The following KIF24 variants were observed in gnomAD, a reference collection of about 807,000 sequenced individuals.
KIF24 encodes the protein kinesin-like protein KIF24.
Under a neutral mutation model 118.9 loss-of-function variants are expected in KIF24, and 81 were observed. That is an observed-to-expected ratio of 0.68 (90% CI 0.57 to 0.82). The LOEUF is 0.82. Among genes scored for constraint, KIF24 ranks in the 40% least tolerant of loss-of-function variants. The probability of loss-of-function intolerance (pLI) is 0.00; values close to 1 mark genes in which losing one functional copy is unlikely to be tolerated. For synonymous variants in KIF24, 599 were observed against 610.0 expected (o/e 0.98, Z 0.27); for missense variants, 1,560 against 1,661.6 (o/e 0.94, Z 1.06).
intron 2 of KIF24, among the ~76,000 whole-genome samples, chr9:34,309,969 CTTTT>C (rs201063121): frequency 1.6e-5 from 2 of 123,416 alleles, no homozygotes; most frequent in Non-Finnish European, 1.6e-5. Flanking sequence ...ACAAGGAGTA[CTTTT>C]TTTTTTTTTT....
intron 5 of KIF24, among the ~76,000 whole-genome samples, chr9:34,289,809 A>C (rs1269922986): frequency 6.6e-6 from 1 of 152,216 alleles, no homozygotes; most frequent in Non-Finnish European, 1.5e-5. Flanking sequence ...AGAAAGTAGA[A>C]AACATTATTT....
chr9:34,299,584 T>C (rs1836614872), intron 3 of KIF24, among the ~76,000 whole-genome samples: 1 of 151,822 alleles, frequency 6.6e-6, no homozygotes, highest in Non-Finnish European at 1.5e-5. Flanking sequence ...AAAAGTAACA[T>C]GTATTTATAG....
At chr9:34,294,072 A>G (rs141027845) in intron 4 of KIF24, among the ~76,000 whole-genome samples, 32 of 152,190 alleles carry the variant, frequency 2.1e-4, no homozygotes, top group African/African-American at 7.5e-4. Context: ...TCAAGCAACA[A>G]CCTTCCAAGT....
chr9:34,291,732 C>G (rs965687738), intron 4 of KIF24, among the ~76,000 whole-genome samples: 11 of 151,980 alleles, frequency 7.2e-5, no homozygotes, highest in Non-Finnish European at 1.2e-4. Flanking sequence ...AATCTTAGAG[C>G]TGTTGCAGAC....
At position 34,255,783 on chromosome 9, in the gene KIF24, G is replaced by A. The variant is rs1834807516; in HGVS notation, c.3824C>T (p.Ser1275Phe). The A allele has an allele frequency of 6.2e-7, 1 of 1,613,856 alleles. No homozygotes were observed. The highest frequency in any genetic ancestry group is 8.5e-7 in the Non-Finnish European group (1 of 1,179,824). Reference protein sequence around the residue: ...RPSSPLVPSCSPKTAGTLRQP... With the variant: ...RPSSPLVPSCFPKTAGTLRQP... ...ACGGAGTGTCCCTGCAGTCTTGGGAGAGCAGCTGGGAACCAAGGGAGAACT... is the reference window on the plus strand; with the variant it reads ...ACGGAGTGTCCCTGCAGTCTTGGGAAAGCAGCTGGGAACCAAGGGAGAACT... Residue 1275 changes from serine (S) to phenylalanine (F), a missense_variant, in exon 11 of 13, where the codon TCT becomes TTT. Coordinates refer to ENST00000402558, the MANE Select transcript of KIF24 (RefSeq NM_194313.4).
Position 34,254,783 on chromosome 9 carries a change from G to C in KIF24, c.3967-263C>G, listed in dbSNP as rs376280775. On this transcript the variant is annotated intron_variant, in intron 12 of 12. Transcript: ENST00000402558. Reference sequence around the variant, plus strand: ...TGTGGTAGGCAGCAGACTGGTCACTGTTAGTCACAGGGAGGGGCCCCGACA... The same window carrying C: ...TGTGGTAGGCAGCAGACTGGTCACTCTTAGTCACAGGGAGGGGCCCCGACA... Among the ~76,000 whole-genome samples the C allele has an allele frequency of 9.8e-4, 149 of 152,288 alleles. 1 individual carries two copies. In the Middle Eastern group the frequency reaches 0.037, roughly 38 times the overall value.
At chr9:34,263,952 T>C in intron 8 of KIF24, among the ~76,000 whole-genome samples, 1 of 151,996 alleles carries the variant, frequency 6.6e-6, no homozygotes, top group East Asian at 1.9e-4. Context: ...CTCATGGCTG[T>C]ACTCCCTCAG....
chr9:34,252,549 T>C lies in KIF24; in HGVS notation c.*1831A>G, dbSNP rs1056676107. On this transcript the variant is annotated 3_prime_UTR_variant, in exon 13 of 13. Transcript: ENST00000402558. ...TGTCTTGGTGTGATAACTTCTTTATTACCAAGGCTGTTTTATGGGAGTGGG... is the reference window on the plus strand; with the variant it reads ...TGTCTTGGTGTGATAACTTCTTTATCACCAAGGCTGTTTTATGGGAGTGGG... The C allele has an allele frequency of 3.3e-5, 5 of 152,678 alleles. No homozygotes were observed. The highest frequency in any genetic ancestry group is 1.2e-4 in the African/African-American group (5 of 41,460). 9.5% of individuals were successfully genotyped at this position (152,678 alleles called of 1,614,324 possible). A position where few individuals can be genotyped will look rare whatever the true frequency, so the allele number is the denominator to read the frequency against.
intron 1 of KIF24, among the ~76,000 whole-genome samples, chr9:34,311,797 T>C (rs866995764): frequency 4.8e-5 from 7 of 146,944 alleles, no homozygotes; most frequent in Non-Finnish European, 9.0e-5. Context: ...TACACACACA[T>C]ATATATATAC....
intron 6 of KIF24, among the ~76,000 whole-genome samples, chr9:34,279,275 C>T (rs1217602857): frequency 6.6e-6 from 1 of 152,196 alleles, no homozygotes; most frequent in Non-Finnish European, 1.5e-5. Flanking sequence ...CTACATGTTT[C>T]AGGCTCAGAG....
Position 34,286,673 on chromosome 9 carries a change from C to T in KIF24, c.1159G>A (p.Val387Met), listed in dbSNP as rs1361758086. The T allele has an allele frequency of 1.2e-6, 2 of 1,613,442 alleles. No individual in the cohort carries two copies. The highest frequency in any genetic ancestry group is 1.7e-6 in the Non-Finnish European group (2 of 1,179,564). ...LFAREDSKHM[V>M]QIVGLQELQV... ...AGCTCTTGCAGTCCCACTATCTGCACCATGTGCTTGCTATCTTCTCTTGCA... is the reference window on the plus strand; with the variant it reads ...AGCTCTTGCAGTCCCACTATCTGCATCATGTGCTTGCTATCTTCTCTTGCA... The change falls in exon 6 of 13, where the codon GTG (valine) becomes ATG (methionine). Residue 387 changes from valine to methionine, a missense_variant. Around this residue, in one of 3 missense-constraint regions of KIF24, gnomAD observed 964 missense variants for 988.0 expected, o/e 0.98. Coordinates refer to ENST00000402558, the MANE Select transcript of KIF24 (RefSeq NM_194313.4).
chr9:34,309,403 T>C (rs1837052117), intron 2 of KIF24, among the ~76,000 whole-genome samples: 1 of 151,624 alleles, frequency 6.6e-6, no homozygotes, highest in African/African-American at 2.4e-5. Context: ...TAGCCAGGCA[T>C]AGTGGCGGGC....
At chr9:34,303,967 G>A (rs1228671347) in intron 3 of KIF24, among the ~76,000 whole-genome samples, 2 of 152,042 alleles carry the variant, frequency 1.3e-5, no homozygotes, top group Non-Finnish European at 2.9e-5. Context: ...TTCACTTACT[G>A]CCAATTTCAA....
At chr9:34,286,565 C>G in intron 6 of KIF24, 52 bp downstream of exon 6, 2 of 1,305,490 alleles carry the variant, frequency 1.5e-6, no homozygotes, top group Admixed American at 1.7e-5. Flanking sequence ...TGAATTTGTT[C>G]CCTGTACTTA....
chr9:34,285,421 A>G (rs936035694), intron 6 of KIF24, among the ~76,000 whole-genome samples: 4 of 152,100 alleles, frequency 2.6e-5, no homozygotes, highest in Non-Finnish European at 4.4e-5. Context: ...TGAGGTCAGG[A>G]GTTCGAGACC....
chr9:34,293,645 G>A (rs550591785), intron 4 of KIF24, among the ~76,000 whole-genome samples: 20 of 151,456 alleles, frequency 1.3e-4, no homozygotes, highest in African/African-American at 4.1e-4. Flanking sequence ...GCGTGGTGGC[G>A]GGCACCTGCA....
Position 34,252,619 on chromosome 9 carries a change from G to A in KIF24, c.*1761C>T, listed in dbSNP as rs1214954469. 6.6e-6 allele frequency: 1 copy of A among 152,432 alleles called. No individual in the cohort carries two copies. Among genetic ancestry groups the A allele is most frequent in the Non-Finnish European group, 1.5e-5 (1 of 68,028 alleles). The allele number at this position is 152,432 out of a possible 1,614,324, so 9.4% of individuals were successfully genotyped here. A position where few individuals can be genotyped will look rare whatever the true frequency, so the allele number is the denominator to read the frequency against. On this transcript the variant is annotated 3_prime_UTR_variant, in exon 13 of 13. Transcript: ENST00000402558. ...AGAGATTTCTTGCTTAGATTTGCTG[G>A]GGATAGAATAGGACCTAACCGTTTT...
rs751496446 is a variant in KIF24, at chr9:34,271,853, G to A, written c.1293C>T (p.Val431=). The A allele has an allele frequency of 1.2e-6, 2 of 1,612,270 alleles. No individual in the cohort carries two copies. The highest frequency in any genetic ancestry group is 1.7e-6 in the Non-Finnish European group (2 of 1,179,118). ...CTGAATCTTTGATCTGAATTTGGAT[G>A]ACGGCATGGGAGCGGGAGGAGTCTG... ...VNADSSRSHA[V]IQIQIKDSAK... The change falls in exon 7 of 13, where the codon GTC becomes GTT. Residue 431 remains valine (V), a synonymous_variant. Transcript: ENST00000402558.
intron 2 of KIF24, among the ~76,000 whole-genome samples, chr9:34,309,204 AT>A (rs1225349053): frequency 1.3e-5 from 2 of 152,200 alleles, no homozygotes; most frequent in African/African-American, 4.8e-5. Flanking sequence ...CTTATAAGTA[AT>A]TCCAATTTAG....
Sources: allele counts gnomAD v4.1 joint callset (sites outside exome capture counted in the v4.1 genomes callset), GRCh38; gene constraint gnomAD v4.1.1; regional missense constraint gnomAD v4.1.1; transcripts MANE v1.5; gene names NCBI Gene and HGNC (gene_info 2026-07-23, HGNC 2026-07-21).